Variants in EMCN observed in about 807,000 individuals in gnomAD.
The protein encoded by EMCN is MUC-14.
EMCN carries 37 observed loss-of-function variants against 38.4 expected under a neutral mutation model. The observed-to-expected ratio is 0.96, with a 90% CI of 0.74 to 1.27. The LOEUF (loss-of-function observed/expected upper bound fraction) is 1.27, where lower values mean the gene tolerates loss of function less well. Ranked by LOEUF, EMCN falls within the 50% of genes most tolerant of loss-of-function variation. The pLI, the probability that EMCN is intolerant of heterozygous loss-of-function variation, is 0.00. For synonymous variants in EMCN, 95 were observed against 100.8 expected, an observed-to-expected ratio of 0.94 and a Z score of 0.35; for missense variants, 318 against 302.8, an observed-to-expected ratio of 1.05 and a Z score of -0.37.
intron 1 of EMCN, among the ~76,000 whole-genome samples, chr4:100,489,838 T>C (rs1257642077): frequency 2.6e-5 from 4 of 152,214 alleles, no homozygotes; most frequent in Admixed American, 2.6e-4. Context: ...GACTTGAGCA[T>C]GCCTAGATTT....
chr4:100,514,306 C>A (rs1210442381), intron 1 of EMCN, among the ~76,000 whole-genome samples: 1 of 152,032 alleles, frequency 6.6e-6, no homozygotes, highest in East Asian at 1.9e-4. Context: ...TTAAAAAAAA[C>A]TCTGTCTCTG....
intron 11 of EMCN, among the ~76,000 whole-genome samples, chr4:100,409,786 G>A (rs1726498421): frequency 6.6e-6 from 1 of 152,210 alleles, no homozygotes; most frequent in Non-Finnish European, 1.5e-5. Context: ...AGGGCAATTA[G>A]ACCCTTCAAC....
chr4:100,456,623 A>C (rs1578206183), intron 4 of EMCN, among the ~76,000 whole-genome samples: 1 of 151,664 alleles, frequency 6.6e-6, no homozygotes, highest in African/African-American at 2.4e-5. Flanking sequence ...GCATAGAGCT[A>C]TCTTTTAGTT....
chr4:100,442,542 G>A (rs901404394), intron 5 of EMCN, among the ~76,000 whole-genome samples: 2 of 142,170 alleles, frequency 1.4e-5, no homozygotes, highest in Non-Finnish European at 3.0e-5. Context: ...TGTTCCATAA[G>A]TCTTGTAGGC....
At chr4:100,419,659 A>G (rs1159537161) in intron 8 of EMCN, among the ~76,000 whole-genome samples, 1 of 152,108 alleles carries the variant, frequency 6.6e-6, no homozygotes, top group African/African-American at 2.4e-5. Flanking sequence ...TTTTCAGTAA[A>G]AGACAGGATT....
intron 1 of EMCN, among the ~76,000 whole-genome samples, chr4:100,504,427 A>G (rs1194298303): frequency 6.6e-6 from 1 of 152,262 alleles, no homozygotes; most frequent in Non-Finnish European, 1.5e-5. Flanking sequence ...TAAAATATAT[A>G]AAACAACAAG....
At chr4:100,445,652 T>C (rs940077398) in intron 5 of EMCN, among the ~76,000 whole-genome samples, 2 of 152,174 alleles carry the variant, frequency 1.3e-5, no homozygotes, top group Middle Eastern at 3.2e-3. Flanking sequence ...GGATGAATAT[T>C]TCACAAATTT....
chr4:100,508,443 G>A (rs1430193656), intron 1 of EMCN, among the ~76,000 whole-genome samples: 2 of 152,120 alleles, frequency 1.3e-5, no homozygotes, highest in Non-Finnish European at 2.9e-5. Context: ...TATGGGGAAA[G>A]GATTCTGTAT....
chr4:100,473,384 TTG>T lies in EMCN; in HGVS notation c.259+1652_259+1653del, dbSNP rs1291336076. 1.5e-3 allele frequency among the ~76,000 whole-genome samples: 183 copies of T among 118,980 alleles called. 18 individuals carry two copies. The highest frequency in any genetic ancestry group is 2.6e-3 in the Non-Finnish European group (150 of 57,128). 78.1% of individuals were successfully genotyped at this position (118,980 alleles called of 152,430 possible). ...TTTCGTGTTTTTTTGTTTTTTTTTT[TTG>T]TTTTTTTTTTTGCTAATGACATCAC... On this transcript the variant is annotated intron_variant, in intron 3 of 11. Coordinates refer to ENST00000296420, the MANE Select transcript of EMCN (RefSeq NM_016242.4).
intron 1 of EMCN, among the ~76,000 whole-genome samples, chr4:100,487,523 G>T (rs962151672): frequency 2.7e-4 from 41 of 152,184 alleles, no homozygotes; most frequent in African/African-American, 9.9e-4. Flanking sequence ...GTTAGGAGTT[G>T]TGTCCCCACC....
intron 11 of EMCN, among the ~76,000 whole-genome samples, chr4:100,407,549 C>G (rs568581127): frequency 6.6e-6 from 1 of 152,120 alleles, no homozygotes; most frequent in South Asian, 2.1e-4. Flanking sequence ...ATATAGGCCC[C>G]CAGTCTCTTC....
intron 1 of EMCN, among the ~76,000 whole-genome samples, chr4:100,491,489 C>T (rs1729073973): frequency 6.6e-6 from 1 of 152,108 alleles, no homozygotes; most frequent in African/African-American, 2.4e-5. Flanking sequence ...AACCTAAAAG[C>T]CCCCCTGCCT....
chr4:100,405,070 C>A (rs377088464), intron 11 of EMCN, among the ~76,000 whole-genome samples: 1 of 151,924 alleles, frequency 6.6e-6, no homozygotes, highest in African/African-American at 2.4e-5. Context: ...ATTTTGTATC[C>A]CAAAACTTTG....
chr4:100,442,828 A>C (rs574340318), intron 5 of EMCN, among the ~76,000 whole-genome samples: 11 of 151,924 alleles, frequency 7.2e-5, no homozygotes, highest in South Asian at 6.2e-4. Context: ...AGTTTCCTTC[A>C]GTTCATTATT....
rs1166563044 is a variant in EMCN, at chr4:100,415,892, A to G, written c.751+6T>C. On this transcript the variant is annotated splice_donor_region_variant and intron_variant, in intron 10 of 11. Coordinates refer to ENST00000296420, the MANE Select transcript of EMCN (RefSeq NM_016242.4). Reference sequence around the variant, plus strand: ...TTTCATCTAATCAACTTGTCTGGAAACTTACCAGACTCATGAGAAATTGTC... The same window carrying G: ...TTTCATCTAATCAACTTGTCTGGAAGCTTACCAGACTCATGAGAAATTGTC... 6.3e-7 allele frequency: 1 copy of G among 1,575,438 alleles called. No homozygotes were observed. The highest frequency in any genetic ancestry group is 8.6e-7 in the Non-Finnish European group (1 of 1,160,952).
chr4:100,446,976 ATAACTAT>A (rs1427162977), intron 5 of EMCN, among the ~76,000 whole-genome samples: 2 of 152,192 alleles, frequency 1.3e-5, no homozygotes, highest in Non-Finnish European at 2.9e-5. Context: ...AATCCCTCAG[ATAACTAT>A]GATTTCTGAA....
At position 100,517,935 on chromosome 4, in the gene EMCN, A is replaced by G. The variant is rs753072688; in HGVS notation, c.-21T>C. 6 of 1,611,538 alleles carry G rather than the reference A, an allele frequency of 3.7e-6. No individual in the cohort carries two copies. Among genetic ancestry groups the G allele is most frequent in the Non-Finnish European group, 5.1e-6 (6 of 1,178,162 alleles). On this transcript the variant is annotated 5_prime_UTR_variant, in exon 1 of 12. Coordinates refer to ENST00000296420, the MANE Select transcript of EMCN (RefSeq NM_016242.4). ...TCCATGGTGCCCGTAGATGGTGTCA[A>G]TATCTTCTTTCTCCAGAAGCAGGCA...
chr4:100,495,764 A>C (rs564728768), intron 1 of EMCN, among the ~76,000 whole-genome samples: 178 of 152,206 alleles, frequency 1.2e-3, no homozygotes, highest in African/African-American at 4.1e-3. Flanking sequence ...TAACTTTTAT[A>C]GCATTAACAT....
At chr4:100,443,097 A>C (rs151234774) in intron 5 of EMCN, among the ~76,000 whole-genome samples, 185 of 152,304 alleles carry the variant, frequency 1.2e-3, no homozygotes, top group African/African-American at 4.0e-3. Context: ...TGATCTGCCC[A>C]TCTCAGCTTC....
Sources: gnomAD v4.1 joint callset for allele counts (sites outside exome capture counted in the v4.1 genomes callset) on GRCh38, gnomAD v4.1.1 for gene constraint, MANE v1.5 for transcripts, NCBI Gene and HGNC (gene_info 2026-07-23, HGNC 2026-07-21) for gene names.